The following CCSER1 variants were observed in gnomAD, a reference collection of about 807,000 sequenced individuals.
The protein encoded by CCSER1 is serine-rich coiled-coil domain-containing protein 1.
Under a neutral mutation model 82.0 loss-of-function variants are expected in CCSER1, and 41 were observed. The observed-to-expected ratio is 0.50, with a 90% CI of 0.39 to 0.65. The LOEUF (loss-of-function observed/expected upper bound fraction) is 0.65, where lower values mean the gene tolerates loss of function less well. CCSER1 is among the 30% of genes least tolerant of loss of function. The pLI is 0.00. For synonymous variants in CCSER1, 414 were observed against 383.9 expected, an observed-to-expected ratio of 1.08 and a Z score of -0.92; for missense variants, 1,119 against 1,064.2, an observed-to-expected ratio of 1.05 and a Z score of -0.72.
intron 10 of CCSER1, among the ~76,000 whole-genome samples, chr4:91,207,804 A>G (rs1736467340): frequency 6.6e-6 from 1 of 151,942 alleles, no homozygotes; most frequent in Admixed American, 6.6e-5. Context: ...AAGAATTGCC[A>G]CACTGCTTTC....
At chr4:91,136,106 T>G (rs956520590) in intron 10 of CCSER1, among the ~76,000 whole-genome samples, 17 of 152,148 alleles carry the variant, frequency 1.1e-4, no homozygotes, top group Non-Finnish European at 2.4e-4. Context: ...AATCCAAATG[T>G]TTTGTCATCC....
intron 4 of CCSER1, among the ~76,000 whole-genome samples, chr4:90,452,941 G>A (rs2153579278): frequency 6.6e-6 from 1 of 152,268 alleles, no homozygotes; most frequent in East Asian, 1.9e-4. Context: ...CTTAGATTTT[G>A]AGACCTTATA....
intron 10 of CCSER1, among the ~76,000 whole-genome samples, chr4:91,465,355 A>C (rs55817917): frequency 0.12 from 17,658 of 152,152 alleles, 1,071 homozygotes; most frequent in African/African-American, 0.14. Context: ...CATTTAAAGC[A>C]GTGTGTAGAG....
intron 3 of CCSER1, among the ~76,000 whole-genome samples, chr4:90,326,737 G>A (rs1377441817): frequency 1.3e-5 from 2 of 152,122 alleles, no homozygotes; most frequent in Non-Finnish European, 2.9e-5. Context: ...AGAGAGATAG[G>A]TGCAGTAGGG....
rs1415246306 is a variant in CCSER1, at chr4:90,481,356, C to T, written c.1724+13002C>T. Among the ~76,000 whole-genome samples the T allele has an allele frequency of 5.9e-5, 9 of 152,142 alleles. 1 individual carries two copies. On this transcript the variant is annotated intron_variant, in intron 5 of 10. Coordinates refer to ENST00000509176, the MANE Select transcript of CCSER1 (RefSeq NM_001145065.2). ...CTTCCTCTTTTCCTAATTGAATACC[C>T]TCTATTTCCTTCTCCTGCCTGATTG...
chr4:91,391,319 G>A (rs1349336904), intron 10 of CCSER1, among the ~76,000 whole-genome samples: 1 of 151,654 alleles, frequency 6.6e-6, no homozygotes, highest in Non-Finnish European at 1.5e-5. Context: ...ATTTTTTATT[G>A]AGACAGCATC....
intron 7 of CCSER1, chr4:90,781,968 G>A: frequency 1.1e-6 from 1 of 891,212 alleles, no homozygotes; most frequent in African/African-American, 1.8e-5. Context: ...GCCCGATATA[G>A]GAACAAAAAT....
intron 4 of CCSER1, among the ~76,000 whole-genome samples, chr4:90,420,252 CTT>C (rs1756478234): frequency 6.6e-6 from 1 of 151,878 alleles, no homozygotes; most frequent in Non-Finnish European, 1.5e-5. Context: ...AAATATTGAA[CTT>C]ATTAATTAAA....
intron 9 of CCSER1, among the ~76,000 whole-genome samples, chr4:91,062,835 G>T (rs1358121912): frequency 1.3e-5 from 2 of 151,808 alleles, no homozygotes; most frequent in East Asian, 3.9e-4. Flanking sequence ...TATCATTTCT[G>T]GTATAGACTC....
intron 10 of CCSER1, among the ~76,000 whole-genome samples, chr4:91,513,301 C>T (rs1759924432): frequency 1.3e-5 from 2 of 151,908 alleles, no homozygotes; most frequent in African/African-American, 4.8e-5. Flanking sequence ...CCTTATATTC[C>T]AGGAATGAAG....
chr4:91,142,443 T>C lies in CCSER1; in HGVS notation c.2217+56449T>C, dbSNP rs114153503. On this transcript the variant is annotated intron_variant, in intron 10 of 10. Transcript: ENST00000509176. ...GACTAATATACTCTGTTAGTTTCTTTTGCTGTGCAAAACTCTATACTTTAA... is the reference window on the plus strand; with the variant it reads ...GACTAATATACTCTGTTAGTTTCTTCTGCTGTGCAAAACTCTATACTTTAA... Among the ~76,000 whole-genome samples, 1,500 of 152,304 alleles carry C rather than the reference T, an allele frequency of 9.8e-3. 11 individuals are homozygous for C. The highest frequency in any genetic ancestry group is 0.024 in the African/African-American group (1,013 of 41,570).
chr4:91,024,271 G>C (rs774321142), intron 9 of CCSER1, among the ~76,000 whole-genome samples: 1 of 152,118 alleles, frequency 6.6e-6, no homozygotes, highest in Non-Finnish European at 1.5e-5. Flanking sequence ...AAAGTAAGGT[G>C]TTTACAAACT....
At chr4:90,460,602 C>T (rs7671066) in intron 4 of CCSER1, among the ~76,000 whole-genome samples, 19,404 of 151,930 alleles carry the variant, frequency 0.13, 1,980 homozygotes, top group African/African-American at 0.28. Context: ...GTTTTTACTT[C>T]AGGATATTGA....
intron 10 of CCSER1, among the ~76,000 whole-genome samples, chr4:91,153,613 G>T (rs982956993): frequency 6.6e-6 from 1 of 151,836 alleles, no homozygotes; most frequent in African/African-American, 2.4e-5. Flanking sequence ...CAGCTTTTTT[G>T]CTCTGGTTTC....
At chr4:90,756,433 G>A (rs1460341492) in intron 7 of CCSER1, among the ~76,000 whole-genome samples, 1 of 152,088 alleles carries the variant, frequency 6.6e-6, no homozygotes, top group African/African-American at 2.4e-5. Context: ...AATGTTTCTT[G>A]AGGAATCATT....
At chr4:91,115,606 C>G (rs1223943956) in intron 10 of CCSER1, among the ~76,000 whole-genome samples, 1 of 151,976 alleles carries the variant, frequency 6.6e-6, no homozygotes, top group African/African-American at 2.4e-5. Context: ...CTGATAAAGA[C>G]TAGAGAAATG....
intron 10 of CCSER1, among the ~76,000 whole-genome samples, chr4:91,377,463 C>T (rs531527669): frequency 6.6e-6 from 1 of 152,288 alleles, no homozygotes; most frequent in Admixed American, 6.5e-5. Context: ...GAGATGGTAT[C>T]TCATTGTGGT....
At chr4:91,594,342 TATAC>T (rs1462479569) in intron 10 of CCSER1, among the ~76,000 whole-genome samples, 17 of 146,274 alleles carry the variant, frequency 1.2e-4, no homozygotes, top group South Asian at 2.1e-4. Context: ...CACACATATA[TATAC>T]ATATATATAC....
intron 1 of CCSER1, among the ~76,000 whole-genome samples, chr4:90,307,009 G>C (rs1052225682): frequency 1.3e-5 from 2 of 152,162 alleles, no homozygotes; most frequent in African/African-American, 4.8e-5. Flanking sequence ...AATGCAGTAT[G>C]TATCATGCTG....
Sources: gnomAD v4.1 joint callset for allele counts (sites outside exome capture counted in the v4.1 genomes callset) on GRCh38, gnomAD v4.1.1 for gene constraint, MANE v1.5 for transcripts, NCBI Gene and HGNC (gene_info 2026-07-23, HGNC 2026-07-21) for gene names.